The following CBX8 variants were observed in gnomAD, a reference collection of about 807,000 sequenced individuals.
CBX8 encodes the protein chromobox 8.
A neutral mutation model predicts 39.7 loss-of-function variants in CBX8; 8 were observed. The observed-to-expected ratio is 0.20, with a 90% CI of 0.12 to 0.36. The LOEUF (loss-of-function observed/expected upper bound fraction) is 0.36. Ranked by LOEUF, CBX8 falls within the 10% of genes least tolerant of loss-of-function variation. The pLI is 1.00. For missense variants in CBX8, 505 were observed against 529.6 expected (o/e 0.95, Z 0.46); for synonymous variants, 268 against 219.8 (o/e 1.22, Z -1.94).
rs1262003127 is a variant in CBX8, at chr17:79,794,979, C to T, written c.826G>A (p.Ala276Thr). ...PSSAEATGKL[A>T]VDTFPARVIK... ...ACCCTGGCCGGGAAGGTGTCCACAGCCAGTTTGCCCGTGGCCTCAGCTGAG... is the reference window on the plus strand; with the variant it reads ...ACCCTGGCCGGGAAGGTGTCCACAGTCAGTTTGCCCGTGGCCTCAGCTGAG... The change falls in exon 5 of 5, where the codon GCT (alanine) becomes ACT (threonine). Residue 276 changes from alanine (A) to threonine (T), a missense_variant. By Grantham distance (58) the Ala-to-Thr change is moderately conservative. This residue lies in a region of CBX8 where 456 missense variants were observed against 389.2 expected (regional missense o/e 1.17). Coordinates refer to ENST00000269385, the MANE Select transcript of CBX8 (RefSeq NM_020649.3). 6.2e-7 allele frequency: 1 copy of T among 1,605,310 alleles called. No homozygotes were observed. Among genetic ancestry groups the T allele is most frequent in the African/African-American group, 1.3e-5 (1 of 74,864 alleles).
rs1027288901 is a variant in CBX8, at chr17:79,796,129, G to T, written c.180-6C>A. 1.7e-5 allele frequency: 28 copies of T among 1,614,044 alleles called. No homozygotes were observed. The highest frequency in any genetic ancestry group is 2.1e-5 in the Non-Finnish European group (25 of 1,180,022). On this transcript the variant is annotated splice_polypyrimidine_tract_variant and splice_region_variant and intron_variant, in intron 3 of 4. Transcript: ENST00000269385. Reference sequence around the variant, plus strand: ...AGAGCTCCATCTCTCTTTCCCTGGAGAAAGAAGAAAAGGAGAAAGGGTGCG... The same window carrying T: ...AGAGCTCCATCTCTCTTTCCCTGGATAAAGAAGAAAAGGAGAAAGGGTGCG...
chr17:79,795,272 C>T lies in CBX8; in HGVS notation c.533G>A (p.Arg178Gln), dbSNP rs140138745. 2.2e-5 allele frequency: 36 copies of T among 1,607,758 alleles called. No individual in the cohort carries two copies. In the Middle Eastern group the frequency reaches 4.9e-4, roughly 22 times the overall value. The change falls in exon 5 of 5, where the codon CGA becomes CAA. Residue 178 changes from arginine to glutamine, a missense_variant. By Grantham distance (43) the Arg-to-Gln change is conservative (BLOSUM62 1). Transcript: ENST00000269385. This position sits in a 1 kb window ranked among gnomAD's most constrained non-coding sequence, Gnocchi z 5.8. ...RERERERERERERGTSRVDDK... is the reference protein window; with the variant it reads ...REREREREREQERGTSRVDDK... ...ATCCACTCTGCTGGTACCCCGCTCT[C>T]GTTCCCTCTCACGTTCCCGCTCCCT...
At position 79,795,114 on chromosome 17, in the gene CBX8, G is replaced by A; in HGVS notation, c.691C>T (p.Leu231=). 2 of 1,613,268 alleles carry A rather than the reference G, an allele frequency of 1.2e-6. No individual in the cohort carries two copies. Among genetic ancestry groups the A allele is most frequent in the Non-Finnish European group, 1.7e-6 (2 of 1,179,774 alleles). ...CCTGCCCCGGAAGGGGTGTCGTCCA[G>A]CTTCCTGCCCTTGAGGTACTCTCCG... is the stretch of plus-strand genomic sequence containing the variant. ...GLGEYLKGRK[L]DDTPSGAGKF... is the part of the protein sequence containing the mutation. Residue 231 remains leucine (L), a synonymous_variant, in exon 5 of 5, where the codon CTG becomes TTG. Coordinates refer to ENST00000269385, the MANE Select transcript of CBX8 (RefSeq NM_020649.3). This position sits in a 1 kb window ranked among gnomAD's most constrained non-coding sequence, Gnocchi z 5.8.
In CBX8 at chr17:79,796,924, A is replaced by G. The variant is rs746355165; in HGVS notation, c.69+6T>C. 2.5e-6 allele frequency: 4 copies of G among 1,603,898 alleles called. No homozygotes were observed. The South Asian group carries it at 3.3e-5, about 13-fold the overall frequency. ...GCACGGAGGCCCTAGGCCCGGGGGC[A>G]CCTACTTTCCGTATGCGCCGCTTCA... On this transcript the variant is annotated splice_donor_region_variant and intron_variant, in intron 1 of 4. Transcript: ENST00000269385.
At chr17:79,796,782 GCT>G (rs1908110427) in intron 1 of CBX8, 146 bp downstream of exon 1, 1 of 729,128 alleles carries the variant, frequency 1.4e-6, no homozygotes, top group Admixed American at 2.9e-5. Context: ...AAGCGCCTGG[GCT>G]CAGAGCTGCC....
chr17:79,794,504 TGGTGG>T lies in CBX8; in HGVS notation c.*126_*130del, dbSNP rs1907992572. 1.0e-5 allele frequency: 6 copies of T among 591,446 alleles called. No homozygotes were observed. In the Admixed American group the frequency reaches 1.7e-4, roughly 17 times the overall value. The allele number at this position is 591,446 out of a possible 1,614,324, so 36.6% of individuals were successfully genotyped here. On this transcript the variant is annotated 3_prime_UTR_variant, in exon 5 of 5. Coordinates refer to ENST00000269385, the MANE Select transcript of CBX8 (RefSeq NM_020649.3). ...GGGAGGAAGGAGGGATGAAAGGGGCTGGTGGGGTGGGGGTGACATCAGGGACGGGA... is the reference window on the plus strand; with the variant it reads ...GGGAGGAAGGAGGGATGAAAGGGGCTGGTGGGGGTGACATCAGGGACGGGA...
At position 79,796,560 on chromosome 17, in the gene CBX8, A is replaced by G. The variant is rs775969542; in HGVS notation, c.70-20T>C. 1 of 1,613,890 alleles carries G rather than the reference A, an allele frequency of 6.2e-7. No homozygotes were observed. Among genetic ancestry groups the G allele is most frequent in the African/African-American group, 1.3e-5 (1 of 74,884 alleles). On this transcript the variant is annotated intron_variant, in intron 1 of 4. Transcript: ENST00000269385. ...GCGTCCCTGCGGGTGCAAAGGCGAT[A>G]ATGTGTGTGCATGGGGAGAAACGCA... is the stretch of plus-strand genomic sequence containing the variant.
Position 79,795,491 on chromosome 17 carries a change from G to T in CBX8, c.314C>A (p.Pro105His). Residue 105 changes from proline (P) to histidine (H), a missense_variant, in exon 5 of 5, where the codon CCC becomes CAC. By Grantham distance (77) the Pro-to-His change is moderately conservative (BLOSUM62 -2). Transcript: ENST00000269385. The surrounding 1 kb of genome is among the most constrained non-coding windows in gnomAD (Gnocchi z 5.8). ...GTCCTGGGGCGAGCGGCCAGGGTAG[G>T]GGATCCGGATGCCCCTGGCTGAGTC... The part of the protein sequence containing the change: ...RSDSARGIRI[P>H]YPGRSPQDLA... 6.4e-7 allele frequency: 1 copy of T among 1,572,764 alleles called. No individual in the cohort carries two copies. The highest frequency in any genetic ancestry group is 8.6e-7 in the Non-Finnish European group (1 of 1,160,396).
rs1032500846 is a variant in CBX8 at position 79,795,630 on chromosome 17, C to A, written c.247-72G>T. On this transcript the variant is annotated intron_variant, in intron 4 of 4. Coordinates refer to ENST00000269385, the MANE Select transcript of CBX8 (RefSeq NM_020649.3). This position sits in a 1 kb window ranked among gnomAD's most constrained non-coding sequence, Gnocchi z 5.8. Reference sequence around the variant, plus strand: ...CCCCCACAGGACTCCTCCTCTATCCCTGACCTCCTATCTTTACCCTATGAT... The same window carrying A: ...CCCCCACAGGACTCCTCCTCTATCCATGACCTCCTATCTTTACCCTATGAT... The A allele has an allele frequency of 9.4e-7, 1 of 1,065,786 alleles. No homozygotes were observed. Among genetic ancestry groups the A allele is most frequent in the Non-Finnish European group, 1.2e-6 (1 of 810,718 alleles). 66.0% of individuals were successfully genotyped at this position (1,065,786 alleles called of 1,614,324 possible).
At chr17:79,796,372 G>C (rs1908090669) in intron 2 of CBX8, 57 bp from the exon 3 acceptor site, 3 of 1,581,446 alleles carry the variant, frequency 1.9e-6, no homozygotes, top group Non-Finnish European at 1.7e-6. Flanking sequence ...GAGAGCAGAG[G>C]GGGTGTGTGT....
Position 79,796,927 on chromosome 17 carries a change from T to C in CBX8, c.69+3A>G. 1 of 1,605,784 alleles carries C rather than the reference T, an allele frequency of 6.2e-7. No homozygotes were observed. The highest frequency in any genetic ancestry group is 1.1e-5 in the South Asian group (1 of 89,960). On this transcript the variant is annotated splice_donor_region_variant and intron_variant, in intron 1 of 4. Transcript: ENST00000269385. The stretch of plus-strand genomic sequence containing the variant: ...CGGAGGCCCTAGGCCCGGGGGCACC[T>C]ACTTTCCGTATGCGCCGCTTCAGGA...
At chr17:79,796,572 T>C (rs1265390310) in intron 1 of CBX8, 32 bp from the exon 2 acceptor site, 5 of 1,612,780 alleles carry the variant, frequency 3.1e-6, no homozygotes, top group Non-Finnish European at 3.4e-6. Context: ...TGTGTGTGCA[T>C]GGGGAGAAAC....
At position 79,794,992 on chromosome 17, in the gene CBX8, G is replaced by C; in HGVS notation, c.813C>G (p.Ala271=). Residue 271 remains alanine (A), a synonymous_variant, in exon 5 of 5, where the codon GCC becomes GCG. Coordinates refer to ENST00000269385, the MANE Select transcript of CBX8 (RefSeq NM_020649.3). ...AGGTGTCCACAGCCAGTTTGCCCGT[G>C]GCCTCAGCTGAGCTAGGGCTGGTCA... ...CGVTSPSSAE[A]TGKLAVDTFP... 6.2e-7 allele frequency: 1 copy of C among 1,605,902 alleles called. No individual in the cohort carries two copies. The highest frequency in any genetic ancestry group is 8.5e-7 in the Non-Finnish European group (1 of 1,175,620).
Position 79,797,035 on chromosome 17 carries a change from A to T in CBX8, c.-37T>A. 1.3e-6 allele frequency: 2 copies of T among 1,588,884 alleles called. No individual in the cohort carries two copies. The highest frequency in any genetic ancestry group is 1.7e-6 in the Non-Finnish European group (2 of 1,166,580). Reference sequence around the variant, plus strand: ...GCTTCCCCCCTTGGCCGCTTCCAGGAGCAGAAAAGCAGCAGCCAGCGCACG... The same window carrying T: ...GCTTCCCCCCTTGGCCGCTTCCAGGTGCAGAAAAGCAGCAGCCAGCGCACG... On this transcript the variant is annotated 5_prime_UTR_variant, in exon 1 of 5. Coordinates refer to ENST00000269385, the MANE Select transcript of CBX8 (RefSeq NM_020649.3).
Position 79,794,706 on chromosome 17 carries a change from T to C in CBX8, c.1099A>G (p.Thr367Ala). 2 of 1,603,760 alleles carry C rather than the reference T, an allele frequency of 1.2e-6. No individual in the cohort carries two copies. The highest frequency in any genetic ancestry group is 1.7e-6 in the Non-Finnish European group (2 of 1,177,090). Residue 367 changes from threonine (T) to alanine (A), a missense_variant, in exon 5 of 5, where the codon ACC (threonine) becomes GCC (alanine). Transcript: ENST00000269385. The stretch of plus-strand genomic sequence containing the variant: ...ATGGTGACGGTCAAAAAGTTTGAGG[T>C]CACGTCCGTGACCACCACCTTCTCC... ...NLEKVVVTDV[T>A]SNFLTVTIKE...
chr17:79,796,155 TGA>T, intron 3 of CBX8, 32 bp from the exon 4 acceptor site: 1 of 1,613,296 alleles, frequency 6.2e-7, no homozygotes, highest in Non-Finnish European at 8.5e-7. Flanking sequence ...AAAGGGTGCG[TGA>T]GTAAAGAAAG....
Position 79,795,566 on chromosome 17 carries a change from A to G in CBX8, c.247-8T>C, listed in dbSNP as rs1908054474. 3.3e-6 allele frequency: 5 copies of G among 1,507,592 alleles called. No individual in the cohort carries two copies. The East Asian group carries it at 1.2e-4, about 35-fold the overall frequency. 93.4% of individuals were successfully genotyped at this position (1,507,592 alleles called of 1,614,324 possible). ...CTTTGCCTTGGCCTGCGCCTGCAGG[A>G]GAGAAGATGGTCTCAAGAGTGGGGC... On this transcript the variant is annotated splice_polypyrimidine_tract_variant and splice_region_variant and intron_variant, in intron 4 of 4. Transcript: ENST00000269385. The surrounding 1 kb of genome is among the most constrained non-coding windows in gnomAD (Gnocchi z 5.8).
At chr17:79,796,864 G>C in intron 1 of CBX8, 66 bp downstream of exon 1, 1 of 1,453,384 alleles carries the variant, frequency 6.9e-7, no homozygotes, top group Non-Finnish European at 9.4e-7. Flanking sequence ...TGCAGCAGGG[G>C]GAGGGAACCC....
At chr17:79,796,791 T>A in intron 1 of CBX8, 139 bp downstream of exon 1, 1 of 658,106 alleles carries the variant, frequency 1.5e-6, no homozygotes, top group Non-Finnish European at 2.3e-6. Flanking sequence ...GGCTCAGAGC[T>A]GCCGCCGCCG....
Sources: allele counts gnomAD v4.1 joint callset, GRCh38; gene constraint gnomAD v4.1.1; regional missense constraint gnomAD v4.1.1; non-coding constraint Gnocchi (gnomAD v3.1); transcripts MANE v1.5; gene names NCBI Gene and HGNC (gene_info 2026-07-23, HGNC 2026-07-21).